The following TSHZ2 variants were observed in gnomAD, a reference collection of about 807,000 sequenced individuals.
The protein encoded by TSHZ2 is teashirt zinc finger homeobox 2, also known as teashirt homolog 2.
Under a neutral mutation model 74.4 loss-of-function variants are expected in TSHZ2, and 21 were observed. That is an observed-to-expected ratio of 0.28 (90% confidence interval 0.20 to 0.41). The LOEUF is 0.41. TSHZ2 is among the 10% of genes least tolerant of loss of function. The pLI is 1.00. For synonymous variants in TSHZ2, 540 were observed against 515.3 expected, an observed-to-expected ratio of 1.05 and a Z score of -0.65; for missense variants, 1,244 against 1,293.5, an observed-to-expected ratio of 0.96 and a Z score of 0.59.
chr20:53,281,649 A>C (rs1991063411), intron 2 of TSHZ2, among the ~76,000 whole-genome samples: 1 of 152,194 alleles, frequency 6.6e-6, no homozygotes, highest in African/African-American at 2.4e-5. Context: ...GCAGATCCTG[A>C]CATCAGGGTT....
intron 1 of TSHZ2, among the ~76,000 whole-genome samples, chr20:53,047,910 C>T (rs1054767835): frequency 5.9e-5 from 9 of 152,128 alleles, no homozygotes; most frequent in Admixed American, 5.9e-4. Context: ...CTGAAAACAG[C>T]CCTGCAAGGT....
intron 2 of TSHZ2, among the ~76,000 whole-genome samples, chr20:53,291,490 AAG>A (rs753243738): frequency 0.17 from 24,673 of 146,122 alleles, 2,034 homozygotes; most frequent in Middle Eastern, 0.28. Context: ...AAAAAAAAAA[AAG>A]ATCAAGAGCA....
intron 1 of TSHZ2, among the ~76,000 whole-genome samples, chr20:53,025,177 T>C (rs1352812202): frequency 6.6e-6 from 1 of 151,426 alleles, no homozygotes; most frequent in Non-Finnish European, 1.5e-5. Flanking sequence ...TAGATATGCA[T>C]AAATATTATT....
At chr20:53,212,260 C>T (rs1271479154) in intron 1 of TSHZ2, among the ~76,000 whole-genome samples, 1 of 152,170 alleles carries the variant, frequency 6.6e-6, no homozygotes, top group African/African-American at 2.4e-5. Context: ...GCAATGACAA[C>T]ATACTTGCGG....
At chr20:53,135,961 G>A (rs746161730) in intron 1 of TSHZ2, among the ~76,000 whole-genome samples, 5 of 152,118 alleles carry the variant, frequency 3.3e-5, no homozygotes, top group Non-Finnish European at 7.4e-5. Context: ...TGTGCTTTCT[G>A]TTGCTTATAA....
In TSHZ2 at chr20:53,161,687, A is replaced by T. The variant is rs866102565; in HGVS notation, c.41-91812A>T. Among the ~76,000 whole-genome samples, 4 of 152,346 alleles carry T rather than the reference A, an allele frequency of 2.6e-5. No homozygotes were observed. The South Asian group carries it at 8.3e-4, about 32-fold the overall frequency. On this transcript the variant is annotated intron_variant, in intron 1 of 2. Coordinates refer to ENST00000371497, the MANE Select transcript of TSHZ2 (RefSeq NM_173485.6). ...TGAGAACTCAACTCACTATCATGAG[A>T]ACAGCATGAAGGAATCCGCCCGCAT... is the stretch of plus-strand genomic sequence containing the variant.
intron 1 of TSHZ2, among the ~76,000 whole-genome samples, chr20:53,208,300 G>C (rs1384929934): frequency 6.6e-6 from 1 of 152,148 alleles, no homozygotes; most frequent in Admixed American, 6.5e-5. Flanking sequence ...ACACAGGCTG[G>C]CTGTTCCTCA....
intron 2 of TSHZ2, among the ~76,000 whole-genome samples, chr20:53,281,833 G>A (rs1469144995): frequency 2.0e-5 from 3 of 152,168 alleles, no homozygotes; most frequent in Non-Finnish European, 2.9e-5. Context: ...CAAGGGCTGG[G>A]CTACCTTGGC....
chr20:53,058,995 G>T (rs539781588), intron 1 of TSHZ2, among the ~76,000 whole-genome samples: 1 of 152,312 alleles, frequency 6.6e-6, no homozygotes, highest in Non-Finnish European at 1.5e-5. Context: ...ATAAACTCAT[G>T]CTAGTGATTT....
intron 2 of TSHZ2, among the ~76,000 whole-genome samples, chr20:53,413,822 T>G (rs1983140253): frequency 6.6e-6 from 1 of 152,232 alleles, no homozygotes. Flanking sequence ...TTCACCTTTG[T>G]GTTAAAAATA....
chr20:52,975,638 C>T (rs887548764), intron 1 of TSHZ2, among the ~76,000 whole-genome samples: 3 of 151,976 alleles, frequency 2.0e-5, no homozygotes, highest in East Asian at 3.9e-4. Context: ...TCACCAGAAG[C>T]GGAAACCCTT....
At chr20:53,481,963 G>A (rs1044372092) in intron 2 of TSHZ2, among the ~76,000 whole-genome samples, 1 of 151,912 alleles carries the variant, frequency 6.6e-6, no homozygotes, top group Admixed American at 6.6e-5. Flanking sequence ...AATTAGCCAG[G>A]CATGGTGGCG....
Position 53,305,975 on chromosome 20 carries a change from GA to G in TSHZ2, c.*8+49420del, listed in dbSNP as rs35465133. Among the ~76,000 whole-genome samples, 1,149 of 137,148 alleles carry G rather than the reference GA, an allele frequency of 8.4e-3. 13 individuals are homozygous for G. Among genetic ancestry groups the G allele is most frequent in the African/African-American group, 0.022 (805 of 37,340 alleles). The allele number at this position is 137,148 out of a possible 152,430, so 90.0% of individuals were successfully genotyped here. A position where few individuals can be genotyped will look rare whatever the true frequency, so the allele number is the denominator to read the frequency against. On this transcript the variant is annotated intron_variant, in intron 2 of 2. Transcript: ENST00000371497. ...CCTGGGCAGCAGAGCAAGACTCTGT[GA>G]AAAAAAAAAAAAAAATACGTTTGGC...
rs149724132 is a variant in TSHZ2 at position 53,254,009 on chromosome 20, G to A, written c.551G>A (p.Arg184Gln). Residue 184 changes from arginine to glutamine, a missense_variant, in exon 2 of 3, where the codon CGG (arginine) becomes CAG (glutamine). Physicochemically the swap from Arg to Gln is conservative, Grantham distance 43. Around this residue, in one of 6 missense-constraint regions of TSHZ2, gnomAD observed 470 missense variants for 456.5 expected, o/e 1.03. Coordinates refer to ENST00000371497, the MANE Select transcript of TSHZ2 (RefSeq NM_173485.6). ...AGCCTGCAGCAGAACTTGCCTTCTC[G>A]GTCCGTCTCGAAACCCAGCCTGTTC... Reference protein sequence around the residue: ...SKSLQQNLPSRSVSKPSLFSS... With the variant: ...SKSLQQNLPSQSVSKPSLFSS... The A allele has an allele frequency of 1.2e-5, 19 of 1,613,998 alleles. No individual in the cohort carries two copies. In the African/African-American group the frequency reaches 1.5e-4, roughly 12 times the overall value.
chr20:53,443,270 G>C (rs1600643332), intron 2 of TSHZ2, among the ~76,000 whole-genome samples: 1 of 152,082 alleles, frequency 6.6e-6, no homozygotes, highest in Non-Finnish European at 1.5e-5. Flanking sequence ...TTATAACTCT[G>C]ATAAGTGAGC....
intron 2 of TSHZ2, among the ~76,000 whole-genome samples, chr20:53,453,450 T>C (rs1002177443): frequency 6.6e-6 from 1 of 152,254 alleles, no homozygotes; most frequent in Middle Eastern, 3.2e-3. Context: ...ACCTTTCTCT[T>C]TCCTAGCTTG....
chr20:53,471,028 G>C (rs1326655696), intron 2 of TSHZ2, among the ~76,000 whole-genome samples: 1 of 151,960 alleles, frequency 6.6e-6, no homozygotes, highest in Non-Finnish European at 1.5e-5. Context: ...TATATGAATG[G>C]TCTTTGAAAA....
intron 1 of TSHZ2, among the ~76,000 whole-genome samples, chr20:53,053,083 A>G (rs1053519763): frequency 6.6e-6 from 1 of 152,084 alleles, no homozygotes; most frequent in African/African-American, 2.4e-5. Flanking sequence ...ACTGGTAGAG[A>G]GACTTTCTGT....
intron 1 of TSHZ2, among the ~76,000 whole-genome samples, chr20:53,145,698 G>A (rs768804411): frequency 1.3e-5 from 2 of 152,144 alleles, no homozygotes; most frequent in Non-Finnish European, 2.9e-5. Flanking sequence ...AGCTTCTAGG[G>A]GCATTATTCT....
Sources: gnomAD v4.1 joint callset for allele counts (sites outside exome capture counted in the v4.1 genomes callset) on GRCh38, gnomAD v4.1.1 for gene constraint, gnomAD v4.1.1 regional missense constraint, MANE v1.5 for transcripts, NCBI Gene and HGNC (gene_info 2026-07-23, HGNC 2026-07-21) for gene names.